The following PDE11A variants were observed in gnomAD, a reference collection of about 807,000 sequenced individuals.
PDE11A encodes the protein dual 3',5'-cyclic-AMP and -GMP phosphodiesterase 11A.
A neutral mutation model predicts 100.5 loss-of-function variants in PDE11A; 100 were observed. The ratio of observed to expected loss-of-function variants is 1.00; its 90% CI spans 0.85 to 1.18. The LOEUF (loss-of-function observed/expected upper bound fraction) is 1.18, where lower values mean the gene tolerates loss of function less well. Among genes scored for constraint, PDE11A ranks in the 50% most tolerant of loss-of-function variants. PDE11A has a pLI of 0.00. For synonymous variants in PDE11A, 381 were observed against 420.8 expected, an observed-to-expected ratio of 0.91 and a Z score of 1.16; for missense variants, 1,141 against 1,152.6, an observed-to-expected ratio of 0.99 and a Z score of 0.15.
intron 15 of PDE11A, among the ~76,000 whole-genome samples, chr2:177,690,634 C>T (rs569402725): frequency 1.3e-5 from 2 of 152,328 alleles, no homozygotes; most frequent in African/African-American, 4.8e-5. Flanking sequence ...CTATTTACTG[C>T]ATCCCTTTCG....
chr2:177,820,270 A>T lies in PDE11A; in HGVS notation c.1526T>A (p.Ile509Lys). The T allele has an allele frequency of 1.3e-6, 2 of 1,590,956 alleles. No homozygotes were observed. The highest frequency in any genetic ancestry group is 8.6e-7 in the Non-Finnish European group (1 of 1,159,326). The change falls in exon 7 of 20, where the codon ATA (isoleucine) becomes AAA (lysine). Residue 509 changes from isoleucine (I) to lysine (K), a missense_variant. Coordinates refer to ENST00000286063, the MANE Select transcript of PDE11A (RefSeq NM_016953.4). ...AEADQISGFH[I>K]RSVLCVPIWN... ...AATAGGGACACAAAGAACAGATCTT[A>T]TGTGAAAACCAGATATCTGGTCTGC...
At position 177,817,839 on chromosome 2, in the gene PDE11A, T is replaced by C. The variant is rs765837812; in HGVS notation, c.1644+19A>G. ...GGACTATTGATGACTCCACTTGGTT[T>C]ATAAATTTATTTTCTTACCTCAAAA... is the stretch of plus-strand genomic sequence containing the variant. On this transcript the variant is annotated intron_variant, in intron 8 of 19. Transcript: ENST00000286063. The C allele has an allele frequency of 1.0e-5, 13 of 1,251,926 alleles. No homozygotes were observed. The East Asian group carries it at 3.0e-4, about 29-fold the overall frequency. The allele number at this position is 1,251,926 out of a possible 1,614,324, so 77.6% of individuals were successfully genotyped here. A position where few individuals can be genotyped will look rare whatever the true frequency, so the allele number is the denominator to read the frequency against.
chr2:177,770,186 A>T (rs140742231), intron 9 of PDE11A, among the ~76,000 whole-genome samples: 84 of 152,276 alleles, frequency 5.5e-4, no homozygotes, highest in African/African-American at 1.9e-3. Flanking sequence ...CTTTTGGTCA[A>T]TGGGAAAAGT....
chr2:177,988,462 T>C (rs2085965864), intron 2 of PDE11A, among the ~76,000 whole-genome samples: 1 of 152,166 alleles, frequency 6.6e-6, no homozygotes, highest in Admixed American at 6.5e-5. Flanking sequence ...AGCAAATTCC[T>C]CTCTACCTTC....
chr2:178,082,368 AT>A (rs1458924941), intron 2 of PDE11A, among the ~76,000 whole-genome samples: 1 of 152,210 alleles, frequency 6.6e-6, no homozygotes, highest in Non-Finnish European at 1.5e-5. Context: ...CAATTTTAAA[AT>A]ACGTATACCA....
chr2:177,936,659 G>A (rs1190168437), intron 2 of PDE11A, among the ~76,000 whole-genome samples: 1 of 152,170 alleles, frequency 6.6e-6, no homozygotes, highest in African/African-American at 2.4e-5. Context: ...AGTGGCTCAC[G>A]CCTGTAATCC....
At position 177,626,119 on chromosome 2, in the gene PDE11A, C is replaced by G. The variant is rs2079829438; in HGVS notation, c.*3288G>C. On this transcript the variant is annotated 3_prime_UTR_variant, in exon 20 of 20. Transcript: ENST00000286063. ...TGCTATTGGCAACCATGCAGTGAAG[C>G]CAATAAAACGGCAAGAAAATGAGAG... The G allele has an allele frequency of 6.6e-6, 1 of 152,592 alleles. No homozygotes were observed. The highest frequency in any genetic ancestry group is 2.4e-5 in the African/African-American group (1 of 41,422). The allele number at this position is 152,592 out of a possible 1,614,324, so 9.5% of individuals were successfully genotyped here. A position where few individuals can be genotyped will look rare whatever the true frequency, so the allele number is the denominator to read the frequency against.
intron 9 of PDE11A, among the ~76,000 whole-genome samples, chr2:177,770,689 C>A (rs1463870708): frequency 1.3e-5 from 2 of 152,178 alleles, no homozygotes; most frequent in African/African-American, 4.8e-5. Context: ...CCCTGGGCTC[C>A]CCTGCCCCAG....
At chr2:177,979,166 A>G (rs1559030416) in intron 2 of PDE11A, among the ~76,000 whole-genome samples, 1 of 149,374 alleles carries the variant, frequency 6.7e-6, no homozygotes, top group Non-Finnish European at 1.5e-5. Context: ...ACCCCTTTGG[A>G]TGTGTCTATG....
rs2079798880 is a variant in PDE11A at position 177,624,056 on chromosome 2, T to C, written c.*5351A>G. 6.6e-6 allele frequency: 1 copy of C among 152,226 alleles called. No homozygotes were observed. Among genetic ancestry groups the C allele is most frequent in the Non-Finnish European group, 1.5e-5 (1 of 68,040 alleles). The allele number at this position is 152,226 out of a possible 1,614,324, so 9.4% of individuals were successfully genotyped here. On this transcript the variant is annotated 3_prime_UTR_variant, in exon 20 of 20. Transcript: ENST00000286063. ...TAGGAAGCTGGTGCAATTTTGGCCTTCTTGTAGTCAGACTTAACCTTTACA... is the reference window on the plus strand; with the variant it reads ...TAGGAAGCTGGTGCAATTTTGGCCTCCTTGTAGTCAGACTTAACCTTTACA...
chr2:178,056,286 G>A (rs1286147611), intron 1 of PDE11A, among the ~76,000 whole-genome samples: 3 of 152,124 alleles, frequency 2.0e-5, no homozygotes, highest in African/African-American at 4.8e-5. Context: ...TCCTGAAGGG[G>A]ACATTCACCA....
intron 15 of PDE11A, among the ~76,000 whole-genome samples, chr2:177,693,359 G>A (rs533604913): frequency 5.1e-4 from 78 of 152,308 alleles, no homozygotes; most frequent in African/African-American, 1.8e-3. Context: ...TGAGGATGGT[G>A]GGTGGCGGAC....
intron 14 of PDE11A, among the ~76,000 whole-genome samples, chr2:177,699,449 TAA>T (rs1427582471): frequency 6.6e-6 from 1 of 152,208 alleles, no homozygotes; most frequent in Admixed American, 6.5e-5. Context: ...TATTTACAGC[TAA>T]GAGTGACAGT....
At chr2:178,035,155 G>A (rs757284382) in intron 1 of PDE11A, among the ~76,000 whole-genome samples, 3 of 151,356 alleles carry the variant, frequency 2.0e-5, no homozygotes, top group Non-Finnish European at 4.4e-5. Flanking sequence ...AGAAAAGAGA[G>A]AAGAATCAAA....
intron 1 of PDE11A, among the ~76,000 whole-genome samples, chr2:178,057,516 G>T (rs768968915): frequency 2.6e-5 from 4 of 152,118 alleles, no homozygotes; most frequent in Non-Finnish European, 5.9e-5. Flanking sequence ...ATTCTCCCTA[G>T]CAAATCACTC....
intron 1 of PDE11A, among the ~76,000 whole-genome samples, chr2:178,037,142 C>T (rs2086624374): frequency 1.3e-5 from 2 of 152,124 alleles, no homozygotes; most frequent in African/African-American, 4.8e-5. Context: ...GGTCTAATAT[C>T]CAGAATCTAC....
At chr2:177,731,600 CT>C (rs1250664260) in intron 10 of PDE11A, among the ~76,000 whole-genome samples, 1 of 152,170 alleles carries the variant, frequency 6.6e-6, no homozygotes, top group Non-Finnish European at 1.5e-5. Flanking sequence ...AGATTATACT[CT>C]CTCCAGAGGA....
Position 178,038,514 on chromosome 2 carries a change from T to C in PDE11A, c.913-24054A>G, listed in dbSNP as rs114612312. On this transcript the variant is annotated intron_variant, in intron 1 of 19. Transcript: ENST00000286063. ...GAAGGTGGTGTTCAGAATATATATG[T>C]ATATAAGGAGCTCCTACAAATCAAT... Among the ~76,000 whole-genome samples the C allele has an allele frequency of 5.9e-3, 904 of 152,070 alleles. 5 individuals are homozygous for C. Among genetic ancestry groups the C allele is most frequent in the Admixed American group, 0.01 (155 of 15,266 alleles).
At chr2:177,927,240 C>A (rs561025309) in intron 2 of PDE11A, among the ~76,000 whole-genome samples, 13 of 152,330 alleles carry the variant, frequency 8.5e-5, no homozygotes, top group African/African-American at 2.9e-4. Flanking sequence ...CTTTTCAGGT[C>A]AACCTTTGCA....
Sources: gnomAD v4.1 joint callset for allele counts (sites outside exome capture counted in the v4.1 genomes callset) on GRCh38, gnomAD v4.1.1 for gene constraint, MANE v1.5 for transcripts, NCBI Gene and HGNC (gene_info 2026-07-23, HGNC 2026-07-21) for gene names.